Variants in KANK2 observed in about 807,000 individuals in gnomAD.
KANK2 encodes the protein KN motif and ankyrin repeat domain-containing protein 2.
A neutral mutation model predicts 74.6 loss-of-function variants in KANK2; 41 were observed. The ratio of observed to expected loss-of-function variants is 0.55; its 90% CI spans 0.43 to 0.71. The LOEUF is 0.71. Among genes scored for constraint, KANK2 ranks in the 30% least tolerant of loss-of-function variants. The pLI is 0.00. For missense variants in KANK2, 1,148 were observed against 1,196.4 expected, an observed-to-expected ratio of 0.96 and a Z score of 0.60; for synonymous variants, 537 against 519.0, an observed-to-expected ratio of 1.03 and a Z score of -0.47.
At chr19:11,181,106 A>C (rs573377651) in intron 4 of KANK2, among the ~76,000 whole-genome samples, 7,623 of 142,618 alleles carry the variant, frequency 0.053, 539 homozygotes, top group Admixed American at 0.073. Flanking sequence ...AAAAAAAAAA[A>C]AAAAAAAAAA....
chr19:11,180,128 C>G (rs2078471045), intron 4 of KANK2, among the ~76,000 whole-genome samples: 1 of 152,166 alleles, frequency 6.6e-6, no homozygotes, highest in Non-Finnish European at 1.5e-5. Flanking sequence ...CTGGGATTAC[C>G]TCCGGAGCAG....
chr19:11,189,100 C>CG (rs1401061636), intron 4 of KANK2, among the ~76,000 whole-genome samples: 5 of 125,982 alleles, frequency 4.0e-5, no homozygotes, highest in South Asian at 6.9e-4. Context: ...TGATTCTCTC[C>CG]CCCCCCACCC....
intron 3 of KANK2, among the ~76,000 whole-genome samples, chr19:11,194,259 G>C (rs2147634681): frequency 6.6e-6 from 1 of 152,186 alleles, no homozygotes. Context: ...CCCCAGGACA[G>C]GGCTCTATCC....
chr19:11,193,087 C>A lies in KANK2; in HGVS notation c.993G>T (p.Arg331=). The A allele has an allele frequency of 6.2e-7, 1 of 1,609,572 alleles. No individual in the cohort carries two copies. The change falls in exon 4 of 13, where the codon CGG becomes CGT. Residue 331 remains arginine (R), a synonymous_variant. Coordinates refer to ENST00000586659, the MANE Select transcript of KANK2 (RefSeq NM_001136191.3). This position sits in a 1 kb window ranked among gnomAD's most constrained non-coding sequence, Gnocchi z 9.6. ...PDSPVRVDTV[R]VVEGPREVEV... ...CCACCTCCCGTGGCCCTTCTACCAC[C>A]CGGACTGTATCCACGCGGACCGGGC...
At chr19:11,168,660 T>A (rs528717017) in intron 12 of KANK2, among the ~76,000 whole-genome samples, 62 of 152,278 alleles carry the variant, frequency 4.1e-4, no homozygotes, top group South Asian at 3.5e-3. Flanking sequence ...CACTGGGGAC[T>A]ACCTAGAACT....
chr19:11,182,825 A>G (rs1476752719), intron 4 of KANK2, among the ~76,000 whole-genome samples: 2 of 143,128 alleles, frequency 1.4e-5, no homozygotes, highest in Non-Finnish European at 3.0e-5. Context: ...CCTGGGTGAC[A>G]GAGTCAGACT....
At chr19:11,172,837 C>T in intron 10 of KANK2, 144 bp downstream of exon 10, 1 of 826,860 alleles carries the variant, frequency 1.2e-6, no homozygotes, top group Non-Finnish European at 1.9e-6. Context: ...CTAGTTTCCA[C>T]AAGAAGGTCC....
At chr19:11,194,786 C>T in intron 2 of KANK2, 196 bp from the exon 3 acceptor site, 1 of 379,860 alleles carries the variant, frequency 2.6e-6, no homozygotes, top group Non-Finnish European at 4.9e-6. Context: ...AACAAAGAAA[C>T]CAAACCTCAC....
rs897583734 is a variant in KANK2 at position 11,176,608 on chromosome 19, G to A, written c.1730C>T (p.Ala577Val). The A allele has an allele frequency of 3.1e-6, 5 of 1,602,574 alleles. No individual in the cohort carries two copies. The highest frequency in any genetic ancestry group is 4.3e-6 in the Non-Finnish European group (5 of 1,173,882). The change falls in exon 7 of 13, where the codon GCA (alanine) becomes GTA (valine). Residue 577 changes from alanine (A) to valine (V), a missense_variant. Coordinates refer to ENST00000586659, the MANE Select transcript of KANK2 (RefSeq NM_001136191.3). ...CTCCTCCTCCGTGTTTGATCCTGAT[G>A]CCCCCTCAGCAGTGGGTATGTGCTG... ...ESQHIPTAEG[A>V]SGSNTEEEIR...
At chr19:11,169,062 G>A (rs1392085232) in intron 12 of KANK2, among the ~76,000 whole-genome samples, 1 of 152,096 alleles carries the variant, frequency 6.6e-6, no homozygotes, top group East Asian at 1.9e-4. Flanking sequence ...AAATGTCCGG[G>A]TGCAGTGGCT....
At chr19:11,181,707 G>A (rs1163421100) in intron 4 of KANK2, among the ~76,000 whole-genome samples, 1 of 152,010 alleles carries the variant, frequency 6.6e-6, no homozygotes, top group Admixed American at 6.6e-5. Context: ...AGTGTGAATG[G>A]GCTGGACATA....
chr19:11,197,293 C>T, intron 1 of KANK2, 192 bp downstream of exon 1: 1 of 128,326 alleles, frequency 7.8e-6, no homozygotes, highest in Non-Finnish European at 1.6e-5. Flanking sequence ...GGCAGGGACG[C>T]GGGGACAGAC....
In KANK2 at chr19:11,166,528, C is replaced by G. The variant is rs372922788; in HGVS notation, c.*30G>C. ...ACGGGGACAAGGGACGGTTTGCTCCCGGTCTGGCTGGTCCCCGCCTCCCTC... is the reference window on the plus strand; with the variant it reads ...ACGGGGACAAGGGACGGTTTGCTCCGGGTCTGGCTGGTCCCCGCCTCCCTC... On this transcript the variant is annotated 3_prime_UTR_variant, in exon 13 of 13. Coordinates refer to ENST00000586659, the MANE Select transcript of KANK2 (RefSeq NM_001136191.3). 8 of 1,606,922 alleles carry G rather than the reference C, an allele frequency of 5.0e-6. No homozygotes were observed. Among genetic ancestry groups the G allele is most frequent in the Non-Finnish European group, 6.8e-6 (8 of 1,173,546 alleles).
rs374892729 is a variant in KANK2 at position 11,172,963 on chromosome 19, C to G, written c.2211+18G>C. The G allele has an allele frequency of 2.5e-6, 4 of 1,608,794 alleles. No homozygotes were observed. The African/African-American group carries it at 5.3e-5, about 22-fold the overall frequency. Reference sequence around the variant, plus strand: ...TAGGAAGAGCCACCTGGATCTGCAGCAGCCGGGGTCCCCATACCTGGCTGG... The same window carrying G: ...TAGGAAGAGCCACCTGGATCTGCAGGAGCCGGGGTCCCCATACCTGGCTGG... On this transcript the variant is annotated intron_variant, in intron 10 of 12. Coordinates refer to ENST00000586659, the MANE Select transcript of KANK2 (RefSeq NM_001136191.3).
chr19:11,176,615 C>T lies in KANK2; in HGVS notation c.1723G>A (p.Glu575Lys). 1 of 1,608,494 alleles carries T rather than the reference C, an allele frequency of 6.2e-7. No homozygotes were observed. The change falls in exon 7 of 13, where the codon GAG becomes AAG. Residue 575 changes from glutamate (E) to lysine (K), a missense_variant. Transcript: ENST00000586659. ...SRESQHIPTA[E>K]GASGSNTEEE... ...TCCGTGTTTGATCCTGATGCCCCCT[C>T]AGCAGTGGGTATGTGCTGAGATTCT...
intron 2 of KANK2, chr19:11,195,328 G>A (rs979470210): frequency 6.6e-6 from 1 of 152,206 alleles, no homozygotes; most frequent in Non-Finnish European, 1.5e-5. Flanking sequence ...GAGGAAGTAA[G>A]AGGGGGCGCC....
intron 12 of KANK2, 65 bp downstream of exon 12, chr19:11,169,812 C>A (rs757522484): frequency 7.2e-7 from 1 of 1,387,606 alleles, no homozygotes; most frequent in Non-Finnish European, 1.0e-6. Flanking sequence ...AAAACAAAAA[C>A]AACAAATCTC....
At chr19:11,169,653 T>C in intron 12 of KANK2, 1 of 584,458 alleles carries the variant, frequency 1.7e-6, no homozygotes, top group Non-Finnish European at 3.0e-6. Context: ...ATACAAAAAT[T>C]AGCCGGGTGT....
intron 6 of KANK2, among the ~76,000 whole-genome samples, chr19:11,178,129 A>G (rs1476857639): frequency 1.3e-5 from 2 of 152,174 alleles, no homozygotes; most frequent in Non-Finnish European, 1.5e-5. Flanking sequence ...CTCTTGAGCC[A>G]GGGCACGCAG....
Sources: gnomAD v4.1 joint callset for allele counts (sites outside exome capture counted in the v4.1 genomes callset) on GRCh38, gnomAD v4.1.1 for gene constraint, Gnocchi (gnomAD v3.1) non-coding constraint, MANE v1.5 for transcripts, NCBI Gene and HGNC (gene_info 2026-07-23, HGNC 2026-07-21) for gene names.